Variants in RUVBL1 observed in about 807,000 individuals in gnomAD.
RUVBL1 encodes ruvB-like 1.
RUVBL1 carries 4 observed loss-of-function variants against 52.4 expected under a neutral mutation model. The ratio of observed to expected loss-of-function variants is 0.08; its 90% confidence interval spans 0.04 to 0.17. The LOEUF is 0.17. Ranked by LOEUF, RUVBL1 falls within the 10% of genes least tolerant of loss-of-function variation. The probability of loss-of-function intolerance (pLI) is 1.00; values close to 1 mark genes in which losing one functional copy is unlikely to be tolerated. For synonymous variants in RUVBL1, 217 were observed against 214.4 expected, an observed-to-expected ratio of 1.01 and a Z score of -0.10; for missense variants, 298 against 572.8, an observed-to-expected ratio of 0.52 and a Z score of 4.90.
intron 4 of RUVBL1, among the ~76,000 whole-genome samples, chr3:128,102,399 C>G (rs1943126356): frequency 6.6e-6 from 1 of 152,254 alleles, no homozygotes; most frequent in Admixed American, 6.5e-5. Flanking sequence ...TCTCCAGATT[C>G]TGGTGACCCT....
downstream of RUVBL1, among the ~76,000 whole-genome samples, chr3:128,077,106 G>A (rs1396262504): frequency 6.6e-6 from 1 of 151,792 alleles, no homozygotes; most frequent in Non-Finnish European, 1.5e-5. Flanking sequence ...AGCGCGGGCC[G>A]GGCCGGCCTG....
At chr3:128,068,333 G>T (rs1205000790) in intron 9 of RUVBL1, among the ~76,000 whole-genome samples, 1 of 152,260 alleles carries the variant, frequency 6.6e-6, no homozygotes, top group African/African-American at 2.4e-5. Context: ...AGTGCAGTAA[G>T]GGTCCTGAGA....
chr3:128,138,941 A>G (rs1943982543), intron 1 of RUVBL1, among the ~76,000 whole-genome samples: 1 of 152,204 alleles, frequency 6.6e-6, no homozygotes, highest in African/African-American at 2.4e-5. Flanking sequence ...AGGTGCCAAG[A>G]ACATACACTG....
upstream of RUVBL1, among the ~76,000 whole-genome samples, chr3:128,127,031 C>G (rs574268741): frequency 2.7e-4 from 41 of 152,318 alleles, no homozygotes; most frequent in African/African-American, 9.9e-4. Context: ...CAATGACAGT[C>G]AGTCCTGGCA....
chr3:128,120,114 G>A (rs1943609698), intron 1 of RUVBL1, among the ~76,000 whole-genome samples: 1 of 152,130 alleles, frequency 6.6e-6, no homozygotes, highest in Non-Finnish European at 1.5e-5. Flanking sequence ...CAGGGTACAG[G>A]GATAGACGCC....
At chr3:128,105,733 T>G (rs1943215194) in intron 3 of RUVBL1, among the ~76,000 whole-genome samples, 1 of 152,270 alleles carries the variant, frequency 6.6e-6, no homozygotes, top group East Asian at 1.9e-4. Flanking sequence ...CAACAGTGGG[T>G]GACACTCAAA....
chr3:128,099,942 A>G (rs1225017936), intron 6 of RUVBL1, among the ~76,000 whole-genome samples: 2 of 152,154 alleles, frequency 1.3e-5, no homozygotes, highest in Non-Finnish European at 2.9e-5. Flanking sequence ...GGGGATGGCC[A>G]TTTCACCAAC....
chr3:128,101,785 C>A, intron 4 of RUVBL1, 137 bp from the exon 5 acceptor site: 1 of 784,238 alleles, frequency 1.3e-6, no homozygotes, highest in Non-Finnish European at 2.1e-6. Context: ...TGCATGAATA[C>A]TGGGACCTGC....
At chr3:128,110,912 T>G (rs1164129813) in intron 3 of RUVBL1, among the ~76,000 whole-genome samples, 1 of 152,042 alleles carries the variant, frequency 6.6e-6, no homozygotes, top group Non-Finnish European at 1.5e-5. Flanking sequence ...TTTTCATATT[T>G]TTTAGCTAAA....
upstream of RUVBL1, among the ~76,000 whole-genome samples, chr3:128,124,920 G>T (rs554756075): frequency 5.3e-5 from 8 of 150,032 alleles, no homozygotes; most frequent in African/African-American, 2.0e-4. Flanking sequence ...GGAAGGACTT[G>T]CCCAGAGTGC....
At chr3:128,151,808 G>A (rs1461144161) in intron 1 of RUVBL1, among the ~76,000 whole-genome samples, 1 of 152,194 alleles carries the variant, frequency 6.6e-6, no homozygotes, top group African/African-American at 2.4e-5. Context: ...AGTGGAGAGT[G>A]GTGGAACGAA....
chr3:128,104,686 C>G, intron 4 of RUVBL1, 87 bp downstream of exon 4: 2 of 1,208,338 alleles, frequency 1.7e-6, no homozygotes, highest in Non-Finnish European at 1.2e-6. Context: ...GGTCAGGAAA[C>G]TGGGATGCAG....
chr3:128,125,100 C>T (rs1379669144), upstream of RUVBL1, among the ~76,000 whole-genome samples: 3 of 144,666 alleles, frequency 2.1e-5, no homozygotes, highest in African/African-American at 5.1e-5. Context: ...CTGCAAGCTC[C>T]GCCTCCCGGG....
chr3:128,148,636 A>G (rs1944138942), intron 1 of RUVBL1, among the ~76,000 whole-genome samples: 1 of 152,168 alleles, frequency 6.6e-6, no homozygotes, highest in African/African-American at 2.4e-5. Context: ...CAGGGAGTAA[A>G]CATATAGAGA....
upstream of RUVBL1, among the ~76,000 whole-genome samples, chr3:128,127,989 C>A (rs540379559): frequency 3.6e-4 from 54 of 151,312 alleles, no homozygotes; most frequent in South Asian, 2.1e-3. Context: ...AGAGTGAGAC[C>A]CTGTCTCAAA....
At chr3:128,153,310 C>T (rs1576499094) in exon 1 of RUVBL1, 3 of 1,365,226 alleles carry the variant, frequency 2.2e-6, no homozygotes, top group East Asian at 3.1e-5. Context: ...CCTACGGTGA[C>T]CTCCAGTTCC....
downstream of RUVBL1, among the ~76,000 whole-genome samples, chr3:128,076,824 T>TG (rs1364707654): frequency 6.6e-6 from 1 of 151,960 alleles, no homozygotes; most frequent in Admixed American, 6.5e-5. The surrounding 1 kb of genome is among the most constrained non-coding windows in gnomAD (Gnocchi z 6.8). Context: ...CAGCGTGCCG[T>TG]GTGCGGCGTC....
chr3:128,098,854 T>C, intron 7 of RUVBL1, 28 bp downstream of exon 7: 1 of 1,609,092 alleles, frequency 6.2e-7, no homozygotes, highest in Non-Finnish European at 8.5e-7. Flanking sequence ...CCCTGCCCCT[T>C]GCTCACAGGG....
intron 2 of RUVBL1, 35 bp from the exon 3 acceptor site, chr3:128,113,055 T>C: frequency 3.1e-6 from 5 of 1,608,464 alleles, no homozygotes; most frequent in Non-Finnish European, 4.2e-6. Context: ...CAGTTCACAG[T>C]CCTGAAAACA....
Sources: allele counts gnomAD v4.1 joint callset (sites outside exome capture counted in the v4.1 genomes callset), GRCh38; gene constraint gnomAD v4.1.1; non-coding constraint Gnocchi (gnomAD v3.1); transcripts MANE v1.5; gene names NCBI Gene and HGNC (gene_info 2026-07-23, HGNC 2026-07-21).